SLC9A9: variants seen among roughly 807,000 people sequenced by gnomAD.
SLC9A9 encodes solute carrier family 9 member A9, also known as sodium/hydrogen exchanger 9.
Under a neutral mutation model 77.8 loss-of-function variants are expected in SLC9A9, and 62 were observed. The ratio of observed to expected loss-of-function variants is 0.80; its 90% CI spans 0.65 to 0.98. The LOEUF is 0.98. SLC9A9 is among the 50% of genes least tolerant of loss of function. The probability of loss-of-function intolerance (pLI) is 0.00; values close to 1 mark genes in which losing one functional copy is unlikely to be tolerated. For missense variants in SLC9A9, 775 were observed against 774.9 expected (o/e 1.00, Z 0.00); for synonymous variants, 320 against 283.5 (o/e 1.13, Z -1.29).
chr3:143,362,858 T>G (rs2032788394), intron 14 of SLC9A9, among the ~76,000 whole-genome samples: 1 of 152,196 alleles, frequency 6.6e-6, no homozygotes, highest in Admixed American at 6.5e-5. Flanking sequence ...GCAAGGTATA[T>G]CTGAGCTACT....
rs2007783678 is a variant in SLC9A9, at chr3:143,778,947, C to A, written c.533+16054G>T. On this transcript the variant is annotated intron_variant, in intron 4 of 15. Transcript: ENST00000316549. ...GATTACCCACATTCAATTCTCCAAACTTCTGTGAACAGAGTGCTATTACCA... is the reference window on the plus strand; with the variant it reads ...GATTACCCACATTCAATTCTCCAAAATTCTGTGAACAGAGTGCTATTACCA... 3.9e-5 allele frequency among the ~76,000 whole-genome samples: 6 copies of A among 152,336 alleles called. No individual in the cohort carries two copies. The South Asian group carries it at 1.0e-3, about 26-fold the overall frequency.
chr3:143,844,400 T>C (rs2009777904), intron 1 of SLC9A9, among the ~76,000 whole-genome samples: 1 of 152,170 alleles, frequency 6.6e-6, no homozygotes, highest in African/African-American at 2.4e-5. Context: ...GTCAAAGGAA[T>C]ACTGGCAGAA....
chr3:143,284,844 A>G (rs1013020689), intron 14 of SLC9A9, among the ~76,000 whole-genome samples: 1 of 152,194 alleles, frequency 6.6e-6, no homozygotes, highest in East Asian at 1.9e-4. Context: ...CCTACCCCAC[A>G]ATGAAGTCGT....
intron 12 of SLC9A9, among the ~76,000 whole-genome samples, chr3:143,466,645 T>C (rs919933867): frequency 6.6e-6 from 1 of 152,230 alleles, no homozygotes; most frequent in Non-Finnish European, 1.5e-5. Context: ...AACAATAAAT[T>C]CACTTTATCC....
chr3:143,478,003 G>A (rs1354237761), intron 11 of SLC9A9, among the ~76,000 whole-genome samples: 1 of 152,160 alleles, frequency 6.6e-6, no homozygotes, highest in African/African-American at 2.4e-5. Flanking sequence ...CTCTAGCTCT[G>A]CCCCTTTCTC....
At chr3:143,300,874 AG>A (rs1314795495) in intron 14 of SLC9A9, among the ~76,000 whole-genome samples, 1 of 152,212 alleles carries the variant, frequency 6.6e-6, no homozygotes, top group Non-Finnish European at 1.5e-5. Context: ...CCCTTCAAAT[AG>A]GTCCCCTTTT....
At chr3:143,574,703 C>A (rs964872882) in intron 7 of SLC9A9, among the ~76,000 whole-genome samples, 1 of 152,068 alleles carries the variant, frequency 6.6e-6, no homozygotes, top group Non-Finnish European at 1.5e-5. Flanking sequence ...GCTGTCCATG[C>A]CCTCTTGGTA....
At chr3:143,375,731 C>T (rs1444655103) in intron 13 of SLC9A9, among the ~76,000 whole-genome samples, 1 of 152,166 alleles carries the variant, frequency 6.6e-6, no homozygotes, top group East Asian at 1.9e-4. Flanking sequence ...AACAACTGAA[C>T]CCCACAGACT....
intron 3 of SLC9A9, 25 bp from the exon 4 acceptor site, chr3:143,795,102 T>G (rs2008341440): frequency 6.3e-7 from 1 of 1,586,762 alleles, no homozygotes; most frequent in Non-Finnish European, 8.6e-7. Flanking sequence ...AGATATTTAA[T>G]AGAGTACATC....
At chr3:143,776,102 T>A (rs1430796467) in intron 4 of SLC9A9, among the ~76,000 whole-genome samples, 2 of 152,164 alleles carry the variant, frequency 1.3e-5, no homozygotes, top group South Asian at 2.1e-4. Flanking sequence ...ACCCTCAAAA[T>A]TTAAAAGTAT....
At chr3:143,644,575 G>A (rs1469801580) in intron 6 of SLC9A9, among the ~76,000 whole-genome samples, 4 of 152,172 alleles carry the variant, frequency 2.6e-5, no homozygotes, top group African/African-American at 9.7e-5. Flanking sequence ...GCAGGCAGGG[G>A]TGTGGGCAGC....
chr3:143,626,675 G>A (rs2038334812), intron 6 of SLC9A9: 1 of 151,958 alleles, frequency 6.6e-6, no homozygotes, highest in South Asian at 2.1e-4. Flanking sequence ...TAAATGACGA[G>A]TTACTGGGTA....
chr3:143,372,256 G>T (rs1189444939), intron 13 of SLC9A9, among the ~76,000 whole-genome samples: 1 of 152,108 alleles, frequency 6.6e-6, no homozygotes, highest in Non-Finnish European at 1.5e-5. Flanking sequence ...AATAGTCAAA[G>T]CAATCCTAAG....
intron 4 of SLC9A9, among the ~76,000 whole-genome samples, chr3:143,777,745 C>T (rs1304502259): frequency 1.5e-4 from 22 of 144,246 alleles, no homozygotes; most frequent in African/African-American, 3.4e-4. Flanking sequence ...GGCAGAGTCT[C>T]GCTCTGTCAC....
chr3:143,394,926 C>A (rs944137297), intron 12 of SLC9A9, among the ~76,000 whole-genome samples: 5 of 152,156 alleles, frequency 3.3e-5, no homozygotes, highest in African/African-American at 9.7e-5. Context: ...GAGCTACAAA[C>A]CACTGCTCAG....
At chr3:143,769,357 C>T (rs1025304186) in intron 4 of SLC9A9, among the ~76,000 whole-genome samples, 1 of 151,106 alleles carries the variant, frequency 6.6e-6, no homozygotes, top group Non-Finnish European at 1.5e-5. Context: ...CTTTATTCCC[C>T]TTGATGGATT....
At chr3:143,579,626 T>C (rs548900695) in intron 6 of SLC9A9, among the ~76,000 whole-genome samples, 10 of 152,336 alleles carry the variant, frequency 6.6e-5, no homozygotes, top group Non-Finnish European at 1.0e-4. Flanking sequence ...TGCAGTTTTT[T>C]ATTTTAATAC....
intron 6 of SLC9A9, among the ~76,000 whole-genome samples, chr3:143,616,146 G>C (rs1162498784): frequency 6.6e-6 from 1 of 152,140 alleles, no homozygotes; most frequent in African/African-American, 2.4e-5. Context: ...GCCTCCCAAA[G>C]TGCTGGGATT....
At position 143,621,761 on chromosome 3, in the gene SLC9A9, C is replaced by T. The variant is rs139417919; in HGVS notation, c.755+30494G>A. 8.6e-3 allele frequency among the ~76,000 whole-genome samples: 1,306 copies of T among 152,176 alleles called. 17 individuals carry two copies. The highest frequency in any genetic ancestry group is 0.027 in the African/African-American group (1,111 of 41,524). On this transcript the variant is annotated intron_variant, in intron 6 of 15. Transcript: ENST00000316549. The stretch of plus-strand genomic sequence containing the variant: ...TCACCAGCAATGGAACAAAGCTGGA[C>T]GGAGAATGACTTTGACGAGTTGAGA...
Sources: allele counts gnomAD v4.1 joint callset (sites outside exome capture counted in the v4.1 genomes callset), GRCh38; gene constraint gnomAD v4.1.1; transcripts MANE v1.5; gene names NCBI Gene and HGNC (gene_info 2026-07-23, HGNC 2026-07-21).